PAK2: variants seen among roughly 807,000 people sequenced by gnomAD.
The protein encoded by PAK2 is p21 (RAC1) activated kinase 2.
PAK2 carries 21 observed loss-of-function variants against 65.9 expected under a neutral mutation model. That is an observed-to-expected ratio of 0.32 (90% confidence interval 0.23 to 0.46). The LOEUF (loss-of-function observed/expected upper bound fraction) is 0.46. Ranked by LOEUF, PAK2 falls within the 20% of genes least tolerant of loss-of-function variation. PAK2 has a pLI of 1.00. For synonymous variants in PAK2, 204 were observed against 219.7 expected (o/e 0.93, Z 0.63); for missense variants, 324 against 642.6 (o/e 0.50, Z 5.36).
chr3:196,815,356 G>A (rs1715977467), intron 11 of PAK2, among the ~76,000 whole-genome samples: 1 of 151,736 alleles, frequency 6.6e-6, no homozygotes, highest in African/African-American at 2.4e-5. Flanking sequence ...GCCAGGCATG[G>A]TGGTGCACGC....
At chr3:196,812,875 A>C (rs1251732492) in intron 10 of PAK2, 24 bp downstream of exon 10, 1 of 992,666 alleles carries the variant, frequency 1.0e-6, no homozygotes, top group Non-Finnish European at 1.6e-6. Context: ...TTCCTTAAAC[A>C]CCGGGAGAAA....
intron 8 of PAK2, 29 bp downstream of exon 8, chr3:196,810,682 T>C (rs1206564209): frequency 2.0e-6 from 2 of 1,006,984 alleles, no homozygotes; most frequent in East Asian, 2.4e-5. Context: ...ATTACGATAA[T>C]ATTCAGTATT....
chr3:196,787,171 T>C (rs1378420273), intron 2 of PAK2, among the ~76,000 whole-genome samples: 4 of 152,146 alleles, frequency 2.6e-5, no homozygotes, highest in Admixed American at 2.6e-4. Flanking sequence ...TTAACCAGAT[T>C]CTTCTTCAGA....
intron 12 of PAK2, among the ~76,000 whole-genome samples, chr3:196,818,876 AG>A (rs1194044059): frequency 3.9e-5 from 6 of 152,096 alleles, no homozygotes; most frequent in African/African-American, 7.2e-5. Flanking sequence ...CCTTTCTCAT[AG>A]GGTTACCATG....
chr3:196,808,894 G>T (rs185318648), intron 7 of PAK2, among the ~76,000 whole-genome samples: 2 of 151,748 alleles, frequency 1.3e-5, no homozygotes, highest in African/African-American at 4.8e-5. Flanking sequence ...AACAATTAAA[G>T]AATGCTAATC....
intron 1 of PAK2, among the ~76,000 whole-genome samples, chr3:196,768,868 G>A (rs1411178836): frequency 6.6e-6 from 1 of 151,752 alleles, no homozygotes; most frequent in African/African-American, 2.4e-5. Context: ...GTTTCACCAT[G>A]TTGCCCAGGA....
chr3:196,754,789 C>A (rs933735553), intron 1 of PAK2, among the ~76,000 whole-genome samples: 25 of 152,264 alleles, frequency 1.6e-4, no homozygotes, highest in Admixed American at 1.5e-3. Flanking sequence ...GAATTTGCGC[C>A]TGGTAATCTC....
At chr3:196,759,442 A>G (rs567467860) in intron 1 of PAK2, among the ~76,000 whole-genome samples, 1 of 149,390 alleles carries the variant, frequency 6.7e-6, no homozygotes, top group South Asian at 2.1e-4. Context: ...AAAAAAACAG[A>G]TATTCATATA....
rs1711964270 is a variant in PAK2, at chr3:196,828,678, A to G, written c.*273A>G. ...AAACAGCCTATCAGGGCCATTTATC[A>G]TGTGTGAGATTTGCATTTTACTTTG... is the stretch of plus-strand genomic sequence containing the variant. On this transcript the variant is annotated 3_prime_UTR_variant, in exon 15 of 15. Transcript: ENST00000327134. 1.3e-5 allele frequency: 5 copies of G among 370,934 alleles called. No individual in the cohort carries two copies. Among genetic ancestry groups the G allele is most frequent in the South Asian group, 7.0e-5 (2 of 28,678 alleles). The allele number at this position is 370,934 out of a possible 1,614,324, so 23.0% of individuals were successfully genotyped here.
At chr3:196,797,767 A>G (rs1715303571) in intron 2 of PAK2, among the ~76,000 whole-genome samples, 1 of 152,170 alleles carries the variant, frequency 6.6e-6, no homozygotes, top group Non-Finnish European at 1.5e-5. Context: ...AAATAAAATA[A>G]ATAAAGGATT....
intron 1 of PAK2, among the ~76,000 whole-genome samples, 185 bp from the exon 2 acceptor site, chr3:196,782,441 C>A (rs1714744595): frequency 6.6e-6 from 1 of 152,094 alleles, no homozygotes; most frequent in Non-Finnish European, 1.5e-5. Context: ...CCATTACCAG[C>A]TTTGTTGGGG....
chr3:196,759,499 T>TG (rs1713884249), intron 1 of PAK2, among the ~76,000 whole-genome samples: 1 of 7,532 alleles, frequency 1.3e-4, no homozygotes, highest in South Asian at 4.1e-3. Flanking sequence ...GTTTTTTTTG[T>TG]TTTTTTTTTT....
intron 1 of PAK2, 27 bp from the exon 2 acceptor site, chr3:196,782,599 T>C: frequency 8.8e-7 from 1 of 1,135,604 alleles, no homozygotes; most frequent in Non-Finnish European, 1.3e-6. Context: ...TTTACTTTGT[T>C]ACTAATTGTA....
intron 4 of PAK2, among the ~76,000 whole-genome samples, chr3:196,804,891 G>C (rs1392542724): frequency 6.6e-6 from 1 of 151,142 alleles, no homozygotes; most frequent in East Asian, 1.9e-4. Context: ...ATGTCTCTGG[G>C]CATTTTTAAA....
At position 196,806,836 on chromosome 3, in the gene PAK2, C is replaced by G. The variant is rs1715600686; in HGVS notation, c.576+150C>G. 27 of 595,524 alleles carry G rather than the reference C, an allele frequency of 4.5e-5. No individual in the cohort carries two copies. The South Asian group carries it at 5.2e-4, about 12-fold the overall frequency. The allele number at this position is 595,524 out of a possible 1,614,324, so 36.9% of individuals were successfully genotyped here. ...GGAAATTTAACCAAGAAATCTGTACCCAAAGACCACTCACCTAAAACTAGT... is the reference window on the plus strand; with the variant it reads ...GGAAATTTAACCAAGAAATCTGTACGCAAAGACCACTCACCTAAAACTAGT... On this transcript the variant is annotated intron_variant, in intron 6 of 14. Coordinates refer to ENST00000327134, the MANE Select transcript of PAK2 (RefSeq NM_002577.4).
At chr3:196,781,653 C>T (rs906814982) in intron 1 of PAK2, among the ~76,000 whole-genome samples, 4 of 152,214 alleles carry the variant, frequency 2.6e-5, no homozygotes, top group Non-Finnish European at 5.9e-5. Context: ...AGACCAAATA[C>T]TGTATCAGCA....
chr3:196,758,271 A>C (rs1713832262), intron 1 of PAK2, among the ~76,000 whole-genome samples: 1 of 152,224 alleles, frequency 6.6e-6, no homozygotes, highest in Admixed American at 6.5e-5. Context: ...AAGGAAATAA[A>C]CCAATACTTG....
At chr3:196,788,350 C>T (rs778643039) in intron 2 of PAK2, among the ~76,000 whole-genome samples, 63 of 152,056 alleles carry the variant, frequency 4.1e-4, no homozygotes, top group Non-Finnish European at 8.2e-4. Context: ...ATTTACATCC[C>T]TTACTGCTTT....
intron 1 of PAK2, among the ~76,000 whole-genome samples, chr3:196,764,381 C>A (rs975287667): frequency 3.8e-4 from 58 of 152,022 alleles, no homozygotes; most frequent in Admixed American, 2.5e-3. Context: ...TTTGGGAGAC[C>A]AAGACGGGCA....
Sources: allele counts gnomAD v4.1 joint callset (sites outside exome capture counted in the v4.1 genomes callset), GRCh38; gene constraint gnomAD v4.1.1; transcripts MANE v1.5; gene names NCBI Gene and HGNC (gene_info 2026-07-23, HGNC 2026-07-21).